The following APBB1IP variants were observed in gnomAD, a reference collection of about 807,000 sequenced individuals.
APBB1IP encodes the protein amyloid beta A4 precursor protein-binding family B member 1-interacting protein.
APBB1IP carries 27 observed loss-of-function variants against 64.9 expected under a neutral mutation model. The observed-to-expected ratio is 0.42, with a 90% CI of 0.31 to 0.57. APBB1IP has a LOEUF of 0.57. Among genes scored for constraint, APBB1IP ranks in the 20% least tolerant of loss-of-function variants. APBB1IP has a pLI of 0.20. For missense variants in APBB1IP, 812 were observed against 845.5 expected (o/e 0.96, Z 0.49); for synonymous variants, 392 against 331.0 (o/e 1.18, Z -2.00).
intron 2 of APBB1IP, among the ~76,000 whole-genome samples, chr10:26,474,624 G>C (rs1458876984): frequency 6.6e-6 from 1 of 152,082 alleles, no homozygotes; most frequent in African/African-American, 2.4e-5. Flanking sequence ...TGTATCTGTT[G>C]GTTTAAAAAA....
At chr10:26,549,813 T>C (rs1430822503) in intron 11 of APBB1IP, among the ~76,000 whole-genome samples, 1 of 152,078 alleles carries the variant, frequency 6.6e-6, no homozygotes, top group Non-Finnish European at 1.5e-5. Flanking sequence ...ATATTTCTTT[T>C]TCAAATGAAT....
chr10:26,512,709 C>CA (rs1158266622), intron 7 of APBB1IP, among the ~76,000 whole-genome samples: 1 of 152,080 alleles, frequency 6.6e-6, no homozygotes, highest in Non-Finnish European at 1.5e-5. Flanking sequence ...TGGGCTCAAG[C>CA]ACTCCTCCTG....
intron 4 of APBB1IP, among the ~76,000 whole-genome samples, chr10:26,499,963 C>A (rs1836075973): frequency 6.6e-6 from 1 of 152,090 alleles, no homozygotes; most frequent in Non-Finnish European, 1.5e-5. Context: ...CTAATCCCAG[C>A]ACTTTGGGAG....
chr10:26,526,665 G>A (rs1242697517), intron 8 of APBB1IP, among the ~76,000 whole-genome samples: 2 of 151,994 alleles, frequency 1.3e-5, no homozygotes, highest in Admixed American at 1.3e-4. Flanking sequence ...GTTGCGGTGA[G>A]CCGAGACCAC....
At chr10:26,506,109 C>A (rs1213409883) in intron 6 of APBB1IP, among the ~76,000 whole-genome samples, 1 of 152,158 alleles carries the variant, frequency 6.6e-6, no homozygotes, top group African/African-American at 2.4e-5. Flanking sequence ...TGAGTAGGTT[C>A]GCTGTGCATC....
intron 8 of APBB1IP, among the ~76,000 whole-genome samples, chr10:26,523,848 C>G (rs900855319): frequency 2.0e-5 from 3 of 151,862 alleles, no homozygotes; most frequent in East Asian, 3.9e-4. Flanking sequence ...AAAGAAAGAC[C>G]CTGGCCTTGA....
intron 2 of APBB1IP, among the ~76,000 whole-genome samples, chr10:26,466,208 G>A (rs1030338768): frequency 5.3e-5 from 8 of 152,122 alleles, no homozygotes; most frequent in African/African-American, 1.9e-4. Context: ...TTCTACTATC[G>A]AGGCAGCTGG....
rs1837074685 is a variant in APBB1IP, at chr10:26,567,618, C to A, written c.*130C>A. On this transcript the variant is annotated 3_prime_UTR_variant, in exon 15 of 15. Transcript: ENST00000376236. Reference sequence around the variant, plus strand: ...ATGGGAAACTTCTCACTGATGTGCTCAAGTACAGGCATAACCATTAACCCA... The same window carrying A: ...ATGGGAAACTTCTCACTGATGTGCTAAAGTACAGGCATAACCATTAACCCA... 1 of 1,429,462 alleles carries A rather than the reference C, an allele frequency of 7.0e-7. No homozygotes were observed. The highest frequency in any genetic ancestry group is 1.2e-5 in the South Asian group (1 of 82,838). 88.5% of individuals were successfully genotyped at this position (1,429,462 alleles called of 1,614,324 possible).
intron 2 of APBB1IP, among the ~76,000 whole-genome samples, chr10:26,448,772 T>A (rs150782315): frequency 0.013 from 1,932 of 152,240 alleles, 18 homozygotes; most frequent in Non-Finnish European, 0.02. Flanking sequence ...CCCCACCACC[T>A]TATATATTAT....
At chr10:26,461,465 T>C (rs1302163210) in intron 2 of APBB1IP, among the ~76,000 whole-genome samples, 1 of 152,196 alleles carries the variant, frequency 6.6e-6, no homozygotes, top group Non-Finnish European at 1.5e-5. Context: ...GGTTTATTTA[T>C]GTAAATCCTG....
chr10:26,538,692 TA>T (rs1836660430), intron 10 of APBB1IP, among the ~76,000 whole-genome samples: 1 of 151,512 alleles, frequency 6.6e-6, no homozygotes, highest in South Asian at 2.1e-4. Flanking sequence ...ACCATGTTGC[TA>T]AAAGAAAAGT....
intron 2 of APBB1IP, among the ~76,000 whole-genome samples, chr10:26,472,586 T>TTCAC (rs374625497): frequency 0.056 from 8,437 of 151,982 alleles, 769 homozygotes; most frequent in African/African-American, 0.19. Flanking sequence ...CATTCATTCA[T>TTCAC]TCATTCATTC....
intron 9 of APBB1IP, among the ~76,000 whole-genome samples, chr10:26,535,203 G>A (rs1232647423): frequency 6.6e-6 from 1 of 152,020 alleles, no homozygotes; most frequent in Non-Finnish European, 1.5e-5. Context: ...ACTAGAAGAT[G>A]TGCTTTGTTA....
chr10:26,458,317 G>A (rs1382148872), intron 2 of APBB1IP, among the ~76,000 whole-genome samples: 2 of 152,098 alleles, frequency 1.3e-5, no homozygotes, highest in Non-Finnish European at 2.9e-5. Context: ...GAACCTAGGA[G>A]GCGGAGGTTG....
chr10:26,561,762 A>G (rs1424184591), intron 13 of APBB1IP, among the ~76,000 whole-genome samples: 2 of 152,094 alleles, frequency 1.3e-5, no homozygotes, highest in South Asian at 2.1e-4. Flanking sequence ...TTTTGGGGGG[A>G]AAAACCACAT....
rs569177119 is a variant in APBB1IP at position 26,523,389 on chromosome 10, T to A, written c.813+9729T>A. 2.0e-5 allele frequency among the ~76,000 whole-genome samples: 3 copies of A among 152,342 alleles called. No homozygotes were observed. The South Asian group carries it at 6.2e-4, about 32-fold the overall frequency. The stretch of plus-strand genomic sequence containing the variant: ...GAATCCACATGACTTCCAAAAGGAT[T>A]TGTGATGAGTCTTCTTCTTTCTCTG... On this transcript the variant is annotated intron_variant, in intron 8 of 14. Coordinates refer to ENST00000376236, the MANE Select transcript of APBB1IP (RefSeq NM_019043.4).
At position 26,567,017 on chromosome 10, in the gene APBB1IP, C is replaced by A; in HGVS notation, c.1530C>A (p.His510Gln). 6.4e-7 allele frequency: 1 copy of A among 1,570,760 alleles called. No individual in the cohort carries two copies. Among genetic ancestry groups the A allele is most frequent in the Non-Finnish European group, 8.6e-7 (1 of 1,168,194 alleles). The stretch of plus-strand genomic sequence containing the variant: ...ACCCGGCAGTGCCCCGGGCCCCGCA[C>A]GCCCCCAAGTCCAGCCTGCCCCCGC... ...HHDPAVPRAP[H>Q]APKSSLPPPP... Residue 510 changes from histidine to glutamine, a missense_variant, in exon 15 of 15, where the codon CAC becomes CAA. This residue lies in a region of APBB1IP where 381 missense variants were observed against 352.1 expected (regional missense o/e 1.08). Coordinates refer to ENST00000376236, the MANE Select transcript of APBB1IP (RefSeq NM_019043.4).
chr10:26,512,574 A>G (rs1461465695), intron 7 of APBB1IP, among the ~76,000 whole-genome samples: 1 of 152,058 alleles, frequency 6.6e-6, no homozygotes, highest in South Asian at 2.1e-4. Context: ...GTGGAAAAAA[A>G]GGTTAACTGA....
chr10:26,545,966 AG>A (rs1229039259), intron 11 of APBB1IP, among the ~76,000 whole-genome samples: 1 of 152,048 alleles, frequency 6.6e-6, no homozygotes, highest in East Asian at 1.9e-4. Context: ...AAAAAAAAAA[AG>A]ATTGCATGAT....
Sources: allele counts gnomAD v4.1 joint callset (sites outside exome capture counted in the v4.1 genomes callset), GRCh38; gene constraint gnomAD v4.1.1; regional missense constraint gnomAD v4.1.1; transcripts MANE v1.5; gene names NCBI Gene and HGNC (gene_info 2026-07-23, HGNC 2026-07-21).